Variants in CD34 observed in about 807,000 individuals in gnomAD.
CD34 encodes the protein CD34 molecule.
A neutral mutation model predicts 40.1 loss-of-function variants in CD34; 34 were observed. The ratio of observed to expected loss-of-function variants is 0.85; its 90% confidence interval spans 0.65 to 1.13. CD34 has a LOEUF of 1.13. CD34 is among the 50% of genes most tolerant of loss of function. The pLI, the probability that CD34 is intolerant of heterozygous loss-of-function variation, is 0.00. For synonymous variants in CD34, 209 were observed against 190.0 expected, an observed-to-expected ratio of 1.10 and a Z score of -0.82; for missense variants, 426 against 466.9, an observed-to-expected ratio of 0.91 and a Z score of 0.81.
Position 207,889,588 on chromosome 1 carries a change from C to T in CD34, c.631G>A (p.Ala211Thr), listed in dbSNP as rs1217866574. 6.2e-7 allele frequency: 1 copy of T among 1,613,940 alleles called. No individual in the cohort carries two copies. The highest frequency in any genetic ancestry group is 1.3e-5 in the African/African-American group (1 of 74,914). Residue 211 changes from alanine to threonine, a missense_variant, in exon 5 of 8, where the codon GCC becomes ACC. Ala to Thr is a moderately conservative substitution (Grantham distance 58). Coordinates refer to ENST00000310833, the MANE Select transcript of CD34 (RefSeq NM_001025109.2). ...EFKKDRGEGL[A>T]RVLCGEEQAD... ...TGCTCCTCCCCACACAGCACTCGGG[C>T]CAGGCCCTCTCCCCTGTCCTTCTTA...
At position 207,884,609 on chromosome 1, in the gene CD34, A is replaced by T. The variant is rs1000682889; in HGVS notation, c.*3129T>A. The T allele has an allele frequency of 1.3e-5, 2 of 152,340 alleles. No homozygotes were observed. The highest frequency in any genetic ancestry group is 4.8e-5 in the African/African-American group (2 of 41,584). The allele number at this position is 152,340 out of a possible 1,614,324, so 9.4% of individuals were successfully genotyped here. A position where few individuals can be genotyped will look rare whatever the true frequency, so the allele number is the denominator to read the frequency against. ...TGAAGAGGAAGTGTGGGATTAATCT[A>T]CCTAGAAGGGATGAGATGGAAGTGA... On this transcript the variant is annotated 3_prime_UTR_variant, in exon 8 of 8. Coordinates refer to ENST00000310833, the MANE Select transcript of CD34 (RefSeq NM_001025109.2).
At position 207,899,027 on chromosome 1, in the gene CD34, T is replaced by C. The variant is rs1348984845; in HGVS notation, c.462A>G (p.Ala154=). Residue 154 remains alanine, a synonymous_variant, in exon 3 of 8, where the codon GCA becomes GCG. Coordinates refer to ENST00000310833, the MANE Select transcript of CD34 (RefSeq NM_001025109.2). ...SDLSTTSTSL[A]TSPTKPYTSS... ...ATGTATAGGGTTTAGTGGGAGATGT[T>C]GCAAGGCTAGTGCTAGTGGTTGAAA... The C allele has an allele frequency of 3.1e-6, 5 of 1,614,198 alleles. No homozygotes were observed. The highest frequency in any genetic ancestry group is 3.4e-6 in the Non-Finnish European group (4 of 1,180,012).
chr1:207,889,106 G>A, intron 6 of CD34, 55 bp downstream of exon 6: 1 of 1,110,734 alleles, frequency 9.0e-7, no homozygotes, highest in Non-Finnish European at 1.4e-6. Context: ...CCTTACTCCA[G>A]GGAGCCCCCC....
At chr1:207,899,471 C>G (rs925145787) in intron 2 of CD34, among the ~76,000 whole-genome samples, 1 of 152,086 alleles carries the variant, frequency 6.6e-6, no homozygotes. Flanking sequence ...AGCCAAAGAC[C>G]CCCAGTTTGG....
chr1:207,883,936 G>A lies in CD34; in HGVS notation c.*3802C>T, dbSNP rs547845289. The A allele has an allele frequency of 6.6e-6, 1 of 152,108 alleles. No homozygotes were observed. The highest frequency in any genetic ancestry group is 2.1e-4 in the South Asian group (1 of 4,826). The allele number at this position is 152,108 out of a possible 1,614,324, so 9.4% of individuals were successfully genotyped here. A position where few individuals can be genotyped will look rare whatever the true frequency, so the allele number is the denominator to read the frequency against. On this transcript the variant is annotated 3_prime_UTR_variant, in exon 8 of 8. Transcript: ENST00000310833. ...CTATTCTCTACTCAGCAGCCAGCAT[G>A]ATCCTTTTAAAACATAAAGCAGATG...
Position 207,887,690 on chromosome 1 carries a change from G to A in CD34, c.*48C>T. 1.2e-6 allele frequency: 2 copies of A among 1,610,402 alleles called. No individual in the cohort carries two copies. Among genetic ancestry groups the A allele is most frequent in the Non-Finnish European group, 1.7e-6 (2 of 1,177,808 alleles). ...GGGGTAGCACGTGGTCAGATGCAGA[G>A]AGGGGTGCTCTCTCGGACACTGCCC... On this transcript the variant is annotated 3_prime_UTR_variant, in exon 8 of 8. Coordinates refer to ENST00000310833, the MANE Select transcript of CD34 (RefSeq NM_001025109.2).
intron 4 of CD34, 141 bp from the exon 5 acceptor site, chr1:207,889,762 A>AG: frequency 6.3e-7 from 1 of 1,587,168 alleles, no homozygotes; most frequent in Non-Finnish European, 8.5e-7. Context: ...ACAGAAAAAA[A>AG]AAAAACTGCT....
Position 207,887,285 on chromosome 1 carries a change from A to AGAT in CD34, c.*452_*453insATC. On this transcript the variant is annotated 3_prime_UTR_variant, in exon 8 of 8. Coordinates refer to ENST00000310833, the MANE Select transcript of CD34 (RefSeq NM_001025109.2). ...TACAAGAGAGCAGGTGCAAAAGGTTACTTTGGTTTCCTCAAAGTAGAGAAA... is the reference window on the plus strand; with the variant it reads ...TACAAGAGAGCAGGTGCAAAAGGTTAGATCTTTGGTTTCCTCAAAGTAGAGAAA... The AGAT allele has an allele frequency of 6.1e-6, 1 of 164,918 alleles. No individual in the cohort carries two copies. Among genetic ancestry groups the AGAT allele is most frequent in the South Asian group, 1.7e-4 (1 of 5,888 alleles). 10.2% of individuals were successfully genotyped at this position (164,918 alleles called of 1,614,324 possible).
chr1:207,889,575 C>T lies in CD34; in HGVS notation c.644G>A (p.Cys215Tyr), dbSNP rs1558117791. The T allele has an allele frequency of 3.1e-6, 5 of 1,614,212 alleles. No individual in the cohort carries two copies. In the South Asian group the frequency reaches 5.5e-5, roughly 18 times the overall value. Residue 215 changes from cysteine to tyrosine, a missense_variant, in exon 5 of 8, where the codon TGT (cysteine) becomes TAT (tyrosine). Transcript: ENST00000310833. ...ATCAGCATCAGCCTGCTCCTCCCCA[C>T]ACAGCACTCGGGCCAGGCCCTCTCC... ...DRGEGLARVLCGEEQADADAG... is the reference protein window; with the variant it reads ...DRGEGLARVLYGEEQADADAG...
intron 4 of CD34, among the ~76,000 whole-genome samples, chr1:207,892,745 G>T (rs553083654): frequency 3.0e-4 from 46 of 152,048 alleles, no homozygotes; most frequent in Non-Finnish European, 4.1e-4. Context: ...TCATTTTTCT[G>T]TGACTAGATT....
intron 4 of CD34, among the ~76,000 whole-genome samples, chr1:207,896,825 T>C (rs1662158726): frequency 6.6e-6 from 1 of 152,106 alleles, no homozygotes; most frequent in Non-Finnish European, 1.5e-5. Flanking sequence ...ACAAATACTG[T>C]AGTAAAAACA....
chr1:207,889,279 T>G, intron 5 of CD34, 66 bp from the exon 6 acceptor site: 8 of 1,612,512 alleles, frequency 5.0e-6, no homozygotes, highest in Non-Finnish European at 6.8e-6. Flanking sequence ...CACCCTCCCA[T>G]GCTGTTCTAG....
chr1:207,889,704 C>T, intron 4 of CD34, 83 bp from the exon 5 acceptor site: 1 of 1,606,120 alleles, frequency 6.2e-7, no homozygotes, highest in South Asian at 1.1e-5. Flanking sequence ...TGATTACAGT[C>T]ATACTCTTAC....
chr1:207,909,607 C>T (rs1662457562), intron 1 of CD34, among the ~76,000 whole-genome samples: 1 of 152,110 alleles, frequency 6.6e-6, no homozygotes, highest in African/African-American at 2.4e-5. Context: ...TGGGGTTTCA[C>T]CATGTTGGCC....
Position 207,882,597 on chromosome 1 carries a change from T to C in CD34, c.*5141A>G, listed in dbSNP as rs1188388577. The C allele has an allele frequency of 1.3e-5, 2 of 152,196 alleles. No homozygotes were observed. Among genetic ancestry groups the C allele is most frequent in the Non-Finnish European group, 2.9e-5 (2 of 68,038 alleles). The allele number at this position is 152,196 out of a possible 1,614,324, so 9.4% of individuals were successfully genotyped here. ...ATCATAAACATGCTTTAATGAGCAA[T>C]TGCAGCATGCTTGAAACAAAAGAAC... On this transcript the variant is annotated 3_prime_UTR_variant, in exon 8 of 8. Coordinates refer to ENST00000310833, the MANE Select transcript of CD34 (RefSeq NM_001025109.2).
rs397751524 is a variant in CD34 at position 207,889,767 on chromosome 1, A to AC, written c.598-147dup. Reference sequence around the variant, plus strand: ...TAAAATTCCAACAGAAAAAAAAAAAACTGCTAACTGTATATGTGCAACAAC... The same window carrying AC: ...TAAAATTCCAACAGAAAAAAAAAAAACCTGCTAACTGTATATGTGCAACAAC... On this transcript the variant is annotated intron_variant, in intron 4 of 7. Transcript: ENST00000310833. The AC allele has an allele frequency of 8.7e-5, 138 of 1,583,612 alleles. No homozygotes were observed. The East Asian group carries it at 2.4e-3, about 28-fold the overall frequency.
Position 207,887,077 on chromosome 1 carries a change from C to G in CD34, c.*661G>C, listed in dbSNP as rs1020564449. The G allele has an allele frequency of 6.5e-6, 1 of 152,732 alleles. No individual in the cohort carries two copies. The highest frequency in any genetic ancestry group is 1.5e-5 in the Non-Finnish European group (1 of 68,138). 9.5% of individuals were successfully genotyped at this position (152,732 alleles called of 1,614,324 possible). A position where few individuals can be genotyped will look rare whatever the true frequency, so the allele number is the denominator to read the frequency against. ...TAGAACTGAGCTGTTTGTCCTAAAA[C>G]TTGGGAGGCCTGTTCTAGGCTCCAG... On this transcript the variant is annotated 3_prime_UTR_variant, in exon 8 of 8. Coordinates refer to ENST00000310833, the MANE Select transcript of CD34 (RefSeq NM_001025109.2).
At chr1:207,902,702 T>C (rs1662297322) in intron 1 of CD34, among the ~76,000 whole-genome samples, 1 of 152,232 alleles carries the variant, frequency 6.6e-6, no homozygotes, top group Non-Finnish European at 1.5e-5. Context: ...GATGATGTCA[T>C]GCTTTTGAAT....
At chr1:207,891,465 T>A (rs1478388367) in intron 4 of CD34, among the ~76,000 whole-genome samples, 2 of 151,862 alleles carry the variant, frequency 1.3e-5, no homozygotes, top group Non-Finnish European at 2.9e-5. Flanking sequence ...GAGGATTACT[T>A]CAGCCCAGGA....
Sources: allele counts gnomAD v4.1 joint callset (sites outside exome capture counted in the v4.1 genomes callset), GRCh38; gene constraint gnomAD v4.1.1; transcripts MANE v1.5; gene names NCBI Gene and HGNC (gene_info 2026-07-23, HGNC 2026-07-21).